CA1: variants seen among roughly 807,000 people sequenced by gnomAD.
The protein encoded by CA1 is carbonic anhydrase 1.
CA1 carries 27 observed loss-of-function variants against 28.8 expected under a neutral mutation model. The ratio of observed to expected loss-of-function variants is 0.94; its 90% CI spans 0.69 to 1.29. The LOEUF is 1.29. Ranked by LOEUF, CA1 falls within the 50% of genes most tolerant of loss-of-function variation. CA1 has a pLI of 0.00. For missense variants in CA1, 335 were observed against 310.5 expected, an observed-to-expected ratio of 1.08 and a Z score of -0.59; for synonymous variants, 121 against 108.8, an observed-to-expected ratio of 1.11 and a Z score of -0.70.
intron 1 of CA1, among the ~76,000 whole-genome samples, chr8:85,363,978 T>C (rs1274845434): frequency 6.6e-6 from 1 of 152,164 alleles, no homozygotes; most frequent in African/African-American, 2.4e-5. Context: ...AAATTTCTTT[T>C]CTTTCCTTTC....
At chr8:85,352,012 A>G (rs1054526652) in intron 1 of CA1, among the ~76,000 whole-genome samples, 5 of 152,094 alleles carry the variant, frequency 3.3e-5, no homozygotes, top group Non-Finnish European at 7.4e-5. Context: ...AACAAAACAA[A>G]CGGTACCATG....
At chr8:85,351,907 T>C (rs1439448764) in intron 1 of CA1, 1 of 152,200 alleles carries the variant, frequency 6.6e-6, no homozygotes, top group Non-Finnish European at 1.5e-5. Context: ...CCCAGTAGGA[T>C]TAAAATGCAG....
intron 1 of CA1, among the ~76,000 whole-genome samples, chr8:85,352,897 A>G (rs1191685820): frequency 2.0e-5 from 3 of 152,032 alleles, no homozygotes; most frequent in African/African-American, 4.8e-5. Context: ...AACTCAGCCT[A>G]GCTTCTAATC....
chr8:85,344,595 T>G (rs1194944182), intron 1 of CA1, among the ~76,000 whole-genome samples: 2 of 151,862 alleles, frequency 1.3e-5, no homozygotes, highest in Admixed American at 1.3e-4. Flanking sequence ...TTTATTTTAA[T>G]ATTTTAAAAT....
At chr8:85,336,748 G>T (rs201280456) in intron 4 of CA1, among the ~76,000 whole-genome samples, 197 bp downstream of exon 4, 6 of 152,108 alleles carry the variant, frequency 3.9e-5, no homozygotes, top group African/African-American at 1.4e-4. Flanking sequence ...GAGTTTAGCT[G>T]CCTCTTTCCA....
intron 1 of CA1, among the ~76,000 whole-genome samples, chr8:85,344,995 A>C (rs1258338552): frequency 6.6e-6 from 1 of 152,184 alleles, no homozygotes; most frequent in African/African-American, 2.4e-5. Context: ...TGGCAAGATA[A>C]ATCTTATTTC....
intron 1 of CA1, among the ~76,000 whole-genome samples, chr8:85,373,203 A>C (rs1810294734): frequency 6.6e-6 from 1 of 152,254 alleles, no homozygotes. Flanking sequence ...TGTTTCGTTA[A>C]GACGGAAAAG....
At chr8:85,358,509 T>C (rs1301723757) in intron 1 of CA1, among the ~76,000 whole-genome samples, 1 of 152,208 alleles carries the variant, frequency 6.6e-6, no homozygotes, top group Non-Finnish European at 1.5e-5. Flanking sequence ...TGCCTAAATA[T>C]TTGTTGAATG....
rs574190397 is a variant in CA1, at chr8:85,363,245, A to G, written c.-25+14801T>C. ...ACAAAACTTTGCCCGCATCTTTCCA[A>G]TTCCTGGAATACCATTCACAGGAGC... On this transcript the variant is annotated intron_variant, in intron 1 of 7. Transcript: ENST00000523022. Among the ~76,000 whole-genome samples, 127 of 152,358 alleles carry G rather than the reference A, an allele frequency of 8.3e-4. 4 individuals carry two copies. The South Asian group carries it at 0.024, about 29-fold the overall frequency.
chr8:85,370,303 T>G (rs1402239974), intron 1 of CA1, among the ~76,000 whole-genome samples: 1 of 152,148 alleles, frequency 6.6e-6, no homozygotes, highest in Non-Finnish European at 1.5e-5. Context: ...TTGTTCAGAC[T>G]TCATTCAAAC....
chr8:85,338,231 C>T (rs1375162617), intron 3 of CA1, 21 bp downstream of exon 3: 2 of 1,597,012 alleles, frequency 1.3e-6, no homozygotes, highest in Admixed American at 1.7e-5. Context: ...AAAAAAATAT[C>T]AGAAGGGTCT....
intron 1 of CA1, among the ~76,000 whole-genome samples, chr8:85,375,142 A>G (rs2130419948): frequency 6.6e-6 from 1 of 152,286 alleles, no homozygotes; most frequent in Middle Eastern, 3.4e-3. Flanking sequence ...AAGCATCATT[A>G]TTTTTACAAT....
chr8:85,374,424 A>G (rs1024897923), intron 1 of CA1, among the ~76,000 whole-genome samples: 1 of 152,198 alleles, frequency 6.6e-6, no homozygotes, highest in African/African-American at 2.4e-5. Flanking sequence ...ACTGGGATTC[A>G]TAAAACTTCA....
chr8:85,376,260 G>T (rs1306016906), intron 1 of CA1, among the ~76,000 whole-genome samples: 1 of 152,146 alleles, frequency 6.6e-6, no homozygotes, highest in African/African-American at 2.4e-5. Context: ...GAACCGGGAG[G>T]CAGAGGTTGC....
chr8:85,373,797 A>G (rs1359023997), intron 1 of CA1, among the ~76,000 whole-genome samples: 1 of 152,216 alleles, frequency 6.6e-6, no homozygotes, highest in African/African-American at 2.4e-5. Context: ...GGAAGATTGA[A>G]GACACTATGC....
At chr8:85,355,169 C>A (rs1450039668) in intron 1 of CA1, among the ~76,000 whole-genome samples, 1 of 152,082 alleles carries the variant, frequency 6.6e-6, no homozygotes, top group African/African-American at 2.4e-5. Flanking sequence ...ACTGCTTGAA[C>A]CAGAGGTTGA....
chr8:85,363,048 A>G (rs771876787), intron 1 of CA1, among the ~76,000 whole-genome samples: 2 of 152,210 alleles, frequency 1.3e-5, no homozygotes, highest in Non-Finnish European at 2.9e-5. Context: ...TTAAGTCTAC[A>G]TAGGTTTGCT....
chr8:85,331,328 G>A (rs1220157212), intron 6 of CA1, among the ~76,000 whole-genome samples: 1 of 151,558 alleles, frequency 6.6e-6, no homozygotes, highest in African/African-American at 2.4e-5. Flanking sequence ...TATATGTACG[G>A]CTTTTTTTCT....
At chr8:85,362,823 T>G (rs996760372) in intron 1 of CA1, among the ~76,000 whole-genome samples, 2 of 152,226 alleles carry the variant, frequency 1.3e-5, no homozygotes, top group Non-Finnish European at 2.9e-5. Context: ...ATTGAAATTT[T>G]TAGGCAGATA....
Sources: gnomAD v4.1 joint callset for allele counts (sites outside exome capture counted in the v4.1 genomes callset) on GRCh38, gnomAD v4.1.1 for gene constraint, MANE v1.5 for transcripts, NCBI Gene and HGNC (gene_info 2026-07-23, HGNC 2026-07-21) for gene names.